The following LOC400499 variants were observed in gnomAD, a reference collection of about 807,000 sequenced individuals.
the LOC400499 span, chr16:11,440,962 G>C: frequency 2.5e-6 from 1 of 398,996 alleles, no homozygotes; most frequent in African/African-American, 2.1e-5. Flanking sequence ...GCCAAGTCCA[G>C]GGCCAGGCTG....
chr16:11,458,809 C>T, the LOC400499 span, among the ~76,000 whole-genome samples: 3 of 151,862 alleles, frequency 2.0e-5, no homozygotes, highest in African/African-American at 7.3e-5. Flanking sequence ...CTGAGGTGAG[C>T]GGATCACCTG....
At chr16:11,390,115 G>C in the LOC400499 span, 1 of 1,232,162 alleles carries the variant, frequency 8.1e-7, no homozygotes, top group African/African-American at 1.5e-5. Context: ...CTGGCCGACA[G>C]GCTGTACAGG....
At chr16:11,399,561 C>G in the LOC400499 span, 1 of 398,768 alleles carries the variant, frequency 2.5e-6, no homozygotes. Flanking sequence ...GTGAAGGCCC[C>G]GCAGGCCTGG....
chr16:11,483,923 G>C, the LOC400499 span, among the ~76,000 whole-genome samples: 1,967 of 148,438 alleles, frequency 0.013, 34 homozygotes, highest in African/African-American at 0.047. Flanking sequence ...TCTAGAATAT[G>C]CAAAGAAGTC....
the LOC400499 span, among the ~76,000 whole-genome samples, chr16:11,497,428 G>A: frequency 2.6e-5 from 4 of 152,234 alleles, no homozygotes; most frequent in African/African-American, 9.6e-5. Context: ...GTTATAAAAA[G>A]ACTAAGAAGC....
chr16:11,485,574 CCT>C, the LOC400499 span, among the ~76,000 whole-genome samples: 63 of 152,170 alleles, frequency 4.1e-4, no homozygotes, highest in Non-Finnish European at 1.5e-5. Context: ...TCCGCGCACC[CCT>C]CTCTTCACCT....
chr16:11,448,183 G>C, the LOC400499 span: 1 of 1,324,776 alleles, frequency 7.5e-7, no homozygotes, highest in South Asian at 1.5e-5. Flanking sequence ...ATCACCCCCA[G>C]AAATGACTAT....
At chr16:11,503,047 G>A in the LOC400499 span, among the ~76,000 whole-genome samples, 6 of 149,004 alleles carry the variant, frequency 4.0e-5, no homozygotes, top group East Asian at 2.0e-4. Flanking sequence ...TCAGCCTCCC[G>A]TGTAGCTGGG....
chr16:11,421,201 C>A, the LOC400499 span, among the ~76,000 whole-genome samples: 1 of 152,166 alleles, frequency 6.6e-6, no homozygotes, highest in African/African-American at 2.4e-5. Flanking sequence ...TCACTATCCA[C>A]AGAGCGCTTC....
the LOC400499 span, chr16:11,465,454 G>A: frequency 6.6e-5 from 10 of 152,202 alleles, no homozygotes; most frequent in South Asian, 2.1e-4. Flanking sequence ...AACCTTCTTC[G>A]CAGGATGGAG....
the LOC400499 span, among the ~76,000 whole-genome samples, chr16:11,527,449 C>G: frequency 1.3e-5 from 2 of 152,120 alleles, no homozygotes; most frequent in African/African-American, 4.8e-5. Flanking sequence ...AAAAAAGGAG[C>G]TTGACTACTC....
At chr16:11,515,780 A>AGAAAAGG in the LOC400499 span, 1 of 401,648 alleles carries the variant, frequency 2.5e-6, no homozygotes, top group Non-Finnish European at 4.4e-6. Context: ...GAGGAGGAGG[A>AGAAAAGG]GGAAAAGGGA....
the LOC400499 span, among the ~76,000 whole-genome samples, chr16:11,425,817 A>G: frequency 6.6e-6 from 1 of 152,308 alleles, no homozygotes; most frequent in Non-Finnish European, 1.5e-5. Flanking sequence ...CGTTCAGAAA[A>G]GAGAAGAGAT....
At chr16:11,405,519 T>C in the LOC400499 span, among the ~76,000 whole-genome samples, 22 of 152,168 alleles carry the variant, frequency 1.4e-4, no homozygotes, top group African/African-American at 5.1e-4. Flanking sequence ...AAGAGCATTC[T>C]AGGCAGATGG....
chr16:11,482,073 T>C, the LOC400499 span, among the ~76,000 whole-genome samples: 4 of 151,932 alleles, frequency 2.6e-5, no homozygotes, highest in East Asian at 7.7e-4. Context: ...CAAATAGGAG[T>C]AATGAAGACT....
the LOC400499 span, among the ~76,000 whole-genome samples, chr16:11,463,147 G>A: frequency 6.6e-6 from 1 of 152,140 alleles, no homozygotes; most frequent in Non-Finnish European, 1.5e-5. Context: ...TGGGCCACGG[G>A]GACAGCTCAC....
chr16:11,467,390 G>C, the LOC400499 span: 22 of 151,740 alleles, frequency 1.4e-4, no homozygotes, highest in African/African-American at 4.1e-4. Context: ...TGGGCAGACT[G>C]TGTAAGCCCA....
the LOC400499 span, among the ~76,000 whole-genome samples, chr16:11,513,406 C>CAAAAA: frequency 5.5e-5 from 7 of 126,938 alleles, no homozygotes; most frequent in Non-Finnish European, 8.1e-5. Flanking sequence ...ACTGTGTCTC[C>CAAAAA]AAAAAAAAAA....
chr16:11,431,569 C>A, the LOC400499 span, among the ~76,000 whole-genome samples: 1 of 152,146 alleles, frequency 6.6e-6, no homozygotes, highest in Non-Finnish European at 1.5e-5. Flanking sequence ...CAACAGCTGG[C>A]TAGTTTTTGT....
Sources: gnomAD v4.1 joint callset for allele counts (sites outside exome capture counted in the v4.1 genomes callset) on GRCh38, gnomAD v4.1.1 for gene constraint, MANE v1.5 for transcripts.